SAMMSON: variants seen among roughly 807,000 people sequenced by gnomAD.
The protein encoded by SAMMSON is long intergenic non-protein coding RNA 1212.
intron 3 of SAMMSON, among the ~76,000 whole-genome samples, chr3:70,023,680 C>T (rs1290901689): frequency 1.3e-5 from 2 of 152,026 alleles, no homozygotes; most frequent in African/African-American, 2.4e-5. Context: ...ATCGGTGGCT[C>T]CCATTTGTCC....
chr3:70,363,988 T>A (rs1269580203), intron 9 of SAMMSON, among the ~76,000 whole-genome samples: 1 of 151,980 alleles, frequency 6.6e-6, no homozygotes, highest in Non-Finnish European at 1.5e-5. Context: ...TTAAAAAATG[T>A]ATACATGTTT....
chr3:70,102,099 A>C (rs1031502817), intron 4 of SAMMSON, among the ~76,000 whole-genome samples: 6 of 152,194 alleles, frequency 3.9e-5, no homozygotes, highest in Admixed American at 1.3e-4. Flanking sequence ...TGAGCATTCA[A>C]CGGAGGAAAC....
chr3:70,182,788 G>C (rs1365987552), intron 4 of SAMMSON, among the ~76,000 whole-genome samples: 1 of 152,126 alleles, frequency 6.6e-6, no homozygotes, highest in Non-Finnish European at 1.5e-5. Flanking sequence ...CCACCTGCAT[G>C]CATGTTCATT....
At chr3:70,157,228 T>C (rs2067595611) in intron 4 of SAMMSON, among the ~76,000 whole-genome samples, 1 of 152,108 alleles carries the variant, frequency 6.6e-6, no homozygotes. Flanking sequence ...ATAAAGATTT[T>C]ATCTAGATTC....
intron 7 of SAMMSON, chr3:70,311,880 A>G: frequency 2.5e-6 from 1 of 397,762 alleles, no homozygotes; most frequent in Non-Finnish European, 4.4e-6. Context: ...GAGCAAGAAG[A>G]CTTACCTTCT....
At chr3:70,017,432 T>A (rs1370024800) in intron 3 of SAMMSON, among the ~76,000 whole-genome samples, 2 of 152,080 alleles carry the variant, frequency 1.3e-5, no homozygotes, top group Admixed American at 6.6e-5. Flanking sequence ...CACATTGAAT[T>A]TGTATCCTGA....
rs181544316 is a variant in SAMMSON, at chr3:70,290,933, G to T, written n.675-246G>T. On this transcript the variant is annotated intron_variant and non_coding_transcript_variant, in intron 6 of 9. Transcript: ENST00000642114. ...CTGCTTCGGATGGCGCACGGTGCGC[G>T]CACCCACTGACCTGAGCCCACTGTC... is the stretch of plus-strand genomic sequence containing the variant. Among the ~76,000 whole-genome samples the T allele has an allele frequency of 2.8e-3, 429 of 152,186 alleles. 1 individual carries two copies. Among genetic ancestry groups the T allele is most frequent in the African/African-American group, 9.8e-3 (406 of 41,544 alleles).
chr3:70,078,620 T>C (rs1428892941), intron 4 of SAMMSON, among the ~76,000 whole-genome samples: 2 of 152,182 alleles, frequency 1.3e-5, no homozygotes, highest in Non-Finnish European at 2.9e-5. Flanking sequence ...CAGGCTCTTA[T>C]TTCTGTGTGT....
chr3:70,001,308 C>G (rs1433448822), intron 1 of SAMMSON, among the ~76,000 whole-genome samples: 2 of 152,086 alleles, frequency 1.3e-5, no homozygotes, highest in East Asian at 3.9e-4. Flanking sequence ...CCTTTATTCA[C>G]TCTGCCACTA....
chr3:70,127,209 T>C (rs1227912955), intron 4 of SAMMSON: 5 of 152,228 alleles, frequency 3.3e-5, no homozygotes. Flanking sequence ...TAAGATGTCA[T>C]TTATTTTTAT....
rs540491007 is a variant in SAMMSON, at chr3:70,354,281, A to G, written n.842+4A>G. On this transcript the variant is annotated splice_donor_region_variant and intron_variant and non_coding_transcript_variant, in intron 8 of 9. Transcript: ENST00000642114. ...ACGGTTCCCTCAAAACAAAAAGGTT[A>G]GTTAAAAAATTAACAGAAGTATAAT... 41 of 152,350 alleles carry G rather than the reference A, an allele frequency of 2.7e-4. 1 individual carries two copies. The highest frequency in any genetic ancestry group is 7.8e-4 in the Admixed American group (12 of 15,296). 9.4% of individuals were successfully genotyped at this position (152,350 alleles called of 1,614,324 possible). A position where few individuals can be genotyped will look rare whatever the true frequency, so the allele number is the denominator to read the frequency against.
chr3:70,023,673 G>A (rs956108055), intron 3 of SAMMSON, among the ~76,000 whole-genome samples: 1 of 151,946 alleles, frequency 6.6e-6, no homozygotes, highest in East Asian at 1.9e-4. Context: ...AGTAATTATC[G>A]GTGGCTCCCA....
intron 7 of SAMMSON, among the ~76,000 whole-genome samples, chr3:70,352,443 C>G (rs986455071): frequency 5.3e-5 from 8 of 152,086 alleles, no homozygotes; most frequent in African/African-American, 1.7e-4. Flanking sequence ...AAGGAAAAAT[C>G]ATGACATCAT....
chr3:70,074,374 C>T (rs1450272735), intron 4 of SAMMSON, among the ~76,000 whole-genome samples: 1 of 152,014 alleles, frequency 6.6e-6, no homozygotes, highest in Non-Finnish European at 1.5e-5. Context: ...TTAATACTTA[C>T]TTTGATTCAA....
At chr3:70,328,528 A>G (rs1463627029) in intron 7 of SAMMSON, among the ~76,000 whole-genome samples, 2 of 152,180 alleles carry the variant, frequency 1.3e-5, no homozygotes, top group South Asian at 4.1e-4. Flanking sequence ...CTAAGATGCA[A>G]AACAAAAATG....
At chr3:70,246,362 A>G (rs1280323005) in intron 4 of SAMMSON, among the ~76,000 whole-genome samples, 1 of 152,112 alleles carries the variant, frequency 6.6e-6, no homozygotes, top group Admixed American at 6.5e-5. Flanking sequence ...TGCTTGAACA[A>G]CACTGCTGTT....
chr3:70,260,495 C>A (rs923652346), intron 6 of SAMMSON, among the ~76,000 whole-genome samples: 1 of 152,080 alleles, frequency 6.6e-6, no homozygotes, highest in African/African-American at 2.4e-5. Context: ...CAGCCCCATT[C>A]CCTATCATCT....
At chr3:70,404,437 C>T (rs1454244561) in intron 2 of SAMMSON, among the ~76,000 whole-genome samples, 11 of 152,104 alleles carry the variant, frequency 7.2e-5, no homozygotes, top group East Asian at 5.8e-4. Flanking sequence ...CAGAGATACC[C>T]GGTAGACACA....
chr3:70,277,565 A>T (rs1243575482), intron 6 of SAMMSON, among the ~76,000 whole-genome samples: 1 of 152,218 alleles, frequency 6.6e-6, no homozygotes, highest in Non-Finnish European at 1.5e-5. Context: ...TGCTGTCATA[A>T]GTGGAAAATT....
Sources: allele counts gnomAD v4.1 joint callset (sites outside exome capture counted in the v4.1 genomes callset), GRCh38; gene constraint gnomAD v4.1.1; transcripts MANE v1.5; gene names NCBI Gene and HGNC (gene_info 2026-07-23, HGNC 2026-07-21).